The following MIR2052HG variants were observed in gnomAD, a reference collection of about 807,000 sequenced individuals.
MIR2052HG encodes MIR2052 host gene.
chr8:74,601,190 G>C (rs996374039), intron 1 of MIR2052HG, among the ~76,000 whole-genome samples: 9 of 152,226 alleles, frequency 5.9e-5, no homozygotes, highest in African/African-American at 1.7e-4. Context: ...TTACTGCAGA[G>C]GCCAAACCTC....
intron 2 of MIR2052HG, among the ~76,000 whole-genome samples, chr8:74,694,889 A>G (rs1162104348): frequency 6.6e-6 from 1 of 152,166 alleles, no homozygotes; most frequent in Admixed American, 6.5e-5. Flanking sequence ...AGAAATGTAA[A>G]TGTTTGGAAA....
At chr8:74,610,610 A>T (rs1808180933) in intron 1 of MIR2052HG, among the ~76,000 whole-genome samples, 2 of 151,980 alleles carry the variant, frequency 1.3e-5, no homozygotes, top group Admixed American at 1.3e-4. Flanking sequence ...ACCTTTATAA[A>T]GCTACAATAA....
At chr8:74,633,673 A>G (rs1474352817) in intron 2 of MIR2052HG, among the ~76,000 whole-genome samples, 1 of 152,162 alleles carries the variant, frequency 6.6e-6, no homozygotes, top group Non-Finnish European at 1.5e-5. Context: ...ATTTGTTTGC[A>G]TGTGTACTGT....
intron 2 of MIR2052HG, among the ~76,000 whole-genome samples, chr8:74,628,535 T>A (rs1204685259): frequency 2.6e-5 from 4 of 152,160 alleles, no homozygotes; most frequent in Non-Finnish European, 5.9e-5. Flanking sequence ...AAAAACTGCT[T>A]GGGGCAAAGC....
chr8:74,681,526 C>G (rs1360681259), intron 2 of MIR2052HG, among the ~76,000 whole-genome samples: 1 of 152,080 alleles, frequency 6.6e-6, no homozygotes, highest in Non-Finnish European at 1.5e-5. Context: ...TCCTGCAAAA[C>G]TCGTGTTGAA....
intron 2 of MIR2052HG, among the ~76,000 whole-genome samples, chr8:74,666,764 G>A (rs1017893552): frequency 6.6e-6 from 1 of 152,296 alleles, no homozygotes; most frequent in Non-Finnish European, 1.5e-5. Flanking sequence ...GTAAGAAAGT[G>A]CCTCTTAATC....
At chr8:74,689,102 T>C (rs1809213228) in intron 2 of MIR2052HG, among the ~76,000 whole-genome samples, 1 of 152,236 alleles carries the variant, frequency 6.6e-6, no homozygotes, top group Non-Finnish European at 1.5e-5. Context: ...TTGTTCTTTC[T>C]GTGCTGTGCA....
At chr8:74,608,259 A>T (rs1265495795) in intron 1 of MIR2052HG, among the ~76,000 whole-genome samples, 1 of 151,932 alleles carries the variant, frequency 6.6e-6, no homozygotes, top group Non-Finnish European at 1.5e-5. Context: ...GGGGAAGAAG[A>T]TGTAAAAGGT....
intron 4 of MIR2052HG, among the ~76,000 whole-genome samples, chr8:74,711,259 G>T (rs1221351129): frequency 6.6e-6 from 1 of 152,128 alleles, no homozygotes; most frequent in Non-Finnish European, 1.5e-5. Flanking sequence ...GGTATAATTA[G>T]ATATTCATGT....
intron 2 of MIR2052HG, among the ~76,000 whole-genome samples, chr8:74,639,036 TGAGTCCTTA>T (rs1162957169): frequency 6.6e-6 from 1 of 152,132 alleles, no homozygotes; most frequent in African/African-American, 2.4e-5. Context: ...TCGGAGAGAC[TGAGTCCTTA>T]GAAAACAAAG....
intron 2 of MIR2052HG, among the ~76,000 whole-genome samples, chr8:74,620,271 C>T (rs1430764834): frequency 6.6e-6 from 1 of 152,202 alleles, no homozygotes; most frequent in Non-Finnish European, 1.5e-5. Context: ...TGTGGCTTTT[C>T]CAGGTGCATG....
chr8:74,696,148 T>C (rs1361277395), intron 2 of MIR2052HG, among the ~76,000 whole-genome samples: 1 of 151,990 alleles, frequency 6.6e-6, no homozygotes, highest in Non-Finnish European at 1.5e-5. Context: ...TGGAAAAAAT[T>C]TGAAATCAAC....
intron 2 of MIR2052HG, among the ~76,000 whole-genome samples, chr8:74,675,282 G>A (rs1809038869): frequency 6.6e-6 from 1 of 152,022 alleles, no homozygotes; most frequent in African/African-American, 2.4e-5. Flanking sequence ...AATGTAGTTA[G>A]GCTTGTGATG....
intron 2 of MIR2052HG, among the ~76,000 whole-genome samples, chr8:74,646,996 G>T (rs1408235292): frequency 6.6e-6 from 1 of 151,988 alleles, no homozygotes; most frequent in Non-Finnish European, 1.5e-5. Flanking sequence ...AATCAATAGT[G>T]GTGGACCTCA....
At chr8:74,742,115 C>A (rs1023225330) in intron 4 of MIR2052HG, among the ~76,000 whole-genome samples, 1 of 152,142 alleles carries the variant, frequency 6.6e-6, no homozygotes, top group Admixed American at 6.5e-5. Flanking sequence ...AGAAACCCTG[C>A]CTCTTTTAGC....
At chr8:74,755,663 T>C (rs980315605) in intron 5 of MIR2052HG, among the ~76,000 whole-genome samples, 3 of 152,188 alleles carry the variant, frequency 2.0e-5, no homozygotes, top group Non-Finnish European at 4.4e-5. Context: ...GTTCTATCCA[T>C]CTGTTTCCCT....
rs79973679 is a variant in MIR2052HG at position 74,678,388 on chromosome 8, G to A, written n.217-23991G>A. ...AGCCTAGCCAACATGGTGAAACCCC[G>A]TCTCTACTAAAAATAAATACAAAAA... On this transcript the variant is annotated intron_variant and non_coding_transcript_variant, in intron 2 of 6. Coordinates refer to ENST00000523442, the Ensembl canonical transcript of MIR2052HG. 5.0e-4 allele frequency among the ~76,000 whole-genome samples: 76 copies of A among 151,776 alleles called. 1 individual carries two copies. Among genetic ancestry groups the A allele is most frequent in the East Asian group, 4.5e-3 (23 of 5,150 alleles).
chr8:74,755,230 C>G (rs370614212), intron 5 of MIR2052HG, among the ~76,000 whole-genome samples: 1 of 152,148 alleles, frequency 6.6e-6, no homozygotes, highest in African/African-American at 2.4e-5. Context: ...TTATTTTGGT[C>G]TTTACAGTGA....
chr8:74,701,151 C>G (rs1036340258), intron 2 of MIR2052HG, among the ~76,000 whole-genome samples: 39 of 152,088 alleles, frequency 2.6e-4, no homozygotes, highest in African/African-American at 9.2e-4. Context: ...AAGTTTGATG[C>G]TTTGGTGAAT....
Sources: allele counts gnomAD v4.1 joint callset (sites outside exome capture counted in the v4.1 genomes callset), GRCh38; gene constraint gnomAD v4.1.1; transcripts MANE v1.5; gene names NCBI Gene and HGNC (gene_info 2026-07-23, HGNC 2026-07-21).